Variants in CLIP4 observed in about 807,000 individuals in gnomAD.
CLIP4 encodes CAP-Gly domain-containing linker protein 4.
In CLIP4, 47 loss-of-function variants were observed where a neutral mutation model predicts 73.1. The ratio of observed to expected loss-of-function variants is 0.64; its 90% CI spans 0.51 to 0.82. The LOEUF is 0.82. Ranked by LOEUF, CLIP4 falls within the 40% of genes least tolerant of loss-of-function variation. The probability of loss-of-function intolerance (pLI) is 0.00; values close to 1 mark genes in which losing one functional copy is unlikely to be tolerated. For missense variants in CLIP4, 874 were observed against 852.9 expected (o/e 1.02, Z -0.31); for synonymous variants, 306 against 295.4 (o/e 1.04, Z -0.37).
intron 14 of CLIP4, among the ~76,000 whole-genome samples, chr2:29,168,384 G>T (rs1335611430): frequency 6.6e-6 from 1 of 151,744 alleles, no homozygotes; most frequent in Non-Finnish European, 1.5e-5. Flanking sequence ...AATTTCATGT[G>T]TGGCAAATAT....
chr2:29,107,994 C>CTTT (rs540853343), intron 1 of CLIP4, among the ~76,000 whole-genome samples: 10 of 145,624 alleles, frequency 6.9e-5, no homozygotes, highest in African/African-American at 1.5e-4. Context: ...CTTGGAGTTT[C>CTTT]TTTTTTTTTT....
intron 11 of CLIP4, 167 bp downstream of exon 11, chr2:29,157,514 TG>T (rs1558563760): frequency 1.0e-6 from 1 of 973,806 alleles, no homozygotes; most frequent in Non-Finnish European, 1.5e-6. Flanking sequence ...AAGGTCTCTT[TG>T]TTTTGCCGTC....
rs145908487 is a variant in CLIP4 at position 29,143,980 on chromosome 2, T to A, written c.885+35T>A. 9.0e-4 allele frequency: 1,411 copies of A among 1,570,042 alleles called. 11 individuals carry two copies. In the Middle Eastern group the frequency reaches 0.021, roughly 23 times the overall value. Reference sequence around the variant, plus strand: ...GTAACTGCAATCTCTGAAGCCAGGGTTGTTATGTCCATGACCTATGTTCAA... The same window carrying A: ...GTAACTGCAATCTCTGAAGCCAGGGATGTTATGTCCATGACCTATGTTCAA... On this transcript the variant is annotated intron_variant, in intron 7 of 15. Transcript: ENST00000320081.
At chr2:29,115,199 G>T (rs1668512340), upstream of CLIP4, 1 of 152,284 alleles carries the variant, frequency 6.6e-6, no homozygotes, top group East Asian at 1.9e-4. This position sits in a 1 kb window ranked among gnomAD's most constrained non-coding sequence, Gnocchi z 5.1. Flanking sequence ...CCGCAGGTTA[G>T]AGACGTGAGG....
intron 6 of CLIP4, among the ~76,000 whole-genome samples, chr2:29,136,774 T>C (rs180887645): frequency 1.3e-5 from 2 of 152,108 alleles, no homozygotes. Flanking sequence ...GATCATTCAG[T>C]CCAGCTGGAG....
upstream of CLIP4, among the ~76,000 whole-genome samples, chr2:29,114,598 G>C (rs1038405981): frequency 6.6e-6 from 1 of 152,192 alleles, no homozygotes; most frequent in African/African-American, 2.4e-5. Flanking sequence ...AGTGGGAAGG[G>C]GGCTTTTTCC....
At chr2:29,179,017 A>C (rs963724670) in intron 15 of CLIP4, among the ~76,000 whole-genome samples, 4 of 151,894 alleles carry the variant, frequency 2.6e-5, no homozygotes, top group Non-Finnish European at 5.9e-5. Context: ...CTGGTCTGAA[A>C]CTCCTGGCCT....
intron 6 of CLIP4, among the ~76,000 whole-genome samples, chr2:29,139,673 T>C (rs1276941057): frequency 6.6e-6 from 1 of 152,180 alleles, no homozygotes; most frequent in Non-Finnish European, 1.5e-5. Flanking sequence ...ATTATTGGTG[T>C]GTTCAGGGTT....
At position 29,145,459 on chromosome 2, in the gene CLIP4, T is replaced by C. The variant is rs545252971; in HGVS notation, c.1021+92T>C. 130 of 1,068,754 alleles carry C rather than the reference T, an allele frequency of 1.2e-4. No homozygotes were observed. In the South Asian group the frequency reaches 2.1e-3, roughly 17 times the overall value. 66.2% of individuals were successfully genotyped at this position (1,068,754 alleles called of 1,614,324 possible). On this transcript the variant is annotated intron_variant, in intron 8 of 15. Transcript: ENST00000320081. ...TTGTTAAATAAAACTTTTCTCCTGA[T>C]TTCTTATGTGATAAATGAGGGGCAT...
At chr2:29,162,825 GA>G (rs1256295476) in intron 12 of CLIP4, among the ~76,000 whole-genome samples, 2 of 151,970 alleles carry the variant, frequency 1.3e-5, no homozygotes, top group African/African-American at 4.8e-5. Flanking sequence ...ATACATAGAG[GA>G]AAAAAATTAA....
Position 29,122,961 on chromosome 2 carries a change from C to T in CLIP4, c.133+1440C>T, listed in dbSNP as rs142547322. On this transcript the variant is annotated intron_variant, in intron 2 of 15. Transcript: ENST00000320081. ...GGATCTCTGTCAGATAACCATTTAA[C>T]CTCTTGCATGTCTTCAATAGTGGGA... Among the ~76,000 whole-genome samples, 361 of 151,878 alleles carry T rather than the reference C, an allele frequency of 2.4e-3. 1 individual carries two copies. The highest frequency in any genetic ancestry group is 2.9e-3 in the Non-Finnish European group (196 of 67,986).
intron 6 of CLIP4, among the ~76,000 whole-genome samples, 161 bp from the exon 7 acceptor site, chr2:29,143,548 G>A (rs1255676612): frequency 6.6e-6 from 1 of 152,072 alleles, no homozygotes; most frequent in Admixed American, 6.6e-5. Context: ...AGGATCTTTA[G>A]CACCTAGAAT....
intron 15 of CLIP4, among the ~76,000 whole-genome samples, chr2:29,179,713 AAAC>A (rs1386528814): frequency 6.6e-6 from 1 of 152,248 alleles, no homozygotes; most frequent in East Asian, 1.9e-4. Flanking sequence ...AGGTTACAAA[AAAC>A]ATCCATTTGG....
At chr2:29,175,906 C>CAT (rs1558587377) in intron 15 of CLIP4, among the ~76,000 whole-genome samples, 1 of 151,114 alleles carries the variant, frequency 6.6e-6, no homozygotes. Flanking sequence ...GGACTACAGG[C>CAT]GCCCGCCACC....
intron 14 of CLIP4, among the ~76,000 whole-genome samples, chr2:29,172,658 C>T (rs976933564): frequency 2.0e-5 from 3 of 151,882 alleles, no homozygotes; most frequent in Admixed American, 2.0e-4. Context: ...AATAGTTTCT[C>T]CTTTATTATT....
chr2:29,183,449 GACTGT>G lies in CLIP4; in HGVS notation c.*1561_*1565del, dbSNP rs1184992108. On this transcript the variant is annotated 3_prime_UTR_variant, in exon 16 of 16. Coordinates refer to ENST00000320081, the MANE Select transcript of CLIP4 (RefSeq NM_024692.6). ...AATATTTTTATTGATTGAAGGAAAT[GACTGT>G]ACTGCGATTCAAAAGTAAACTTATT... The G allele has an allele frequency of 6.6e-6, 1 of 152,592 alleles. No individual in the cohort carries two copies. The allele number at this position is 152,592 out of a possible 1,614,324, so 9.5% of individuals were successfully genotyped here. A position where few individuals can be genotyped will look rare whatever the true frequency, so the allele number is the denominator to read the frequency against.
intron 14 of CLIP4, among the ~76,000 whole-genome samples, chr2:29,168,375 A>G (rs969553631): frequency 6.6e-6 from 1 of 151,834 alleles, no homozygotes; most frequent in African/African-American, 2.4e-5. Context: ...CATTTTGTCA[A>G]TTTCATGTGT....
intron 2 of CLIP4, 148 bp from the exon 3 acceptor site, chr2:29,131,110 A>G (rs1664939505): frequency 1.2e-6 from 1 of 853,452 alleles, no homozygotes; most frequent in Non-Finnish European, 1.8e-6. Flanking sequence ...GCAAATGTTC[A>G]TAATATTTTC....
At chr2:29,098,255 A>T (rs116720147) in intron 1 of CLIP4, among the ~76,000 whole-genome samples, 2,680 of 152,350 alleles carry the variant, frequency 0.018, 86 homozygotes, top group African/African-American at 0.059. Context: ...CATTATTATG[A>T]ACTAAAGCCT....
Sources: gnomAD v4.1 joint callset for allele counts (sites outside exome capture counted in the v4.1 genomes callset) on GRCh38, gnomAD v4.1.1 for gene constraint, Gnocchi (gnomAD v3.1) non-coding constraint, MANE v1.5 for transcripts, NCBI Gene and HGNC (gene_info 2026-07-23, HGNC 2026-07-21) for gene names.